Variants in STXBP5L observed in about 807,000 individuals in gnomAD.
STXBP5L encodes syntaxin binding protein 5L, also known as syntaxin-binding protein 5-like.
STXBP5L carries 65 observed loss-of-function variants against 144.5 expected under a neutral mutation model. The ratio of observed to expected loss-of-function variants is 0.45; its 90% CI spans 0.37 to 0.55. STXBP5L has a LOEUF of 0.55. STXBP5L is among the 20% of genes least tolerant of loss of function. The pLI, the probability that STXBP5L is intolerant of heterozygous loss-of-function variation, is 0.00. For synonymous variants in STXBP5L, 505 were observed against 469.6 expected (o/e 1.08, Z -0.97); for missense variants, 1,298 against 1,405.5 (o/e 0.92, Z 1.22).
intron 9 of STXBP5L, among the ~76,000 whole-genome samples, chr3:121,177,139 G>A (rs954707809): frequency 1.3e-5 from 2 of 151,902 alleles, no homozygotes; most frequent in East Asian, 3.9e-4. Flanking sequence ...CCACAATGAA[G>A]CATCACAACA....
At chr3:120,944,067 AAAGT>A (rs1484051797) in intron 2 of STXBP5L, among the ~76,000 whole-genome samples, 1 of 151,682 alleles carries the variant, frequency 6.6e-6, no homozygotes, top group South Asian at 2.1e-4. Flanking sequence ...TTTGTGTGGC[AAAGT>A]AAAAGAGTAG....
chr3:121,399,963 G>A (rs2046831897), intron 22 of STXBP5L, among the ~76,000 whole-genome samples: 1 of 152,198 alleles, frequency 6.6e-6, no homozygotes, highest in Non-Finnish European at 1.5e-5. Context: ...TTCTGATTCA[G>A]TAGGTCTGAG....
chr3:121,417,049 G>C (rs1480431492), intron 25 of STXBP5L, among the ~76,000 whole-genome samples: 2 of 152,088 alleles, frequency 1.3e-5, no homozygotes, highest in Non-Finnish European at 2.9e-5. Context: ...CTTGCTAAGT[G>C]AAAGAAGCCA....
intron 23 of STXBP5L, among the ~76,000 whole-genome samples, chr3:121,412,270 G>C (rs1453566622): frequency 6.6e-6 from 1 of 152,134 alleles, no homozygotes; most frequent in Non-Finnish European, 1.5e-5. Context: ...AGTGGTCTGA[G>C]AACACTTTCT....
intron 20 of STXBP5L, among the ~76,000 whole-genome samples, chr3:121,361,044 G>A (rs2045698523): frequency 6.6e-6 from 1 of 152,080 alleles, no homozygotes; most frequent in Admixed American, 6.6e-5. Flanking sequence ...CATGTTTCAA[G>A]GATATTTTCA....
chr3:121,392,770 CATATATATATATATATATATAT>C (rs71133531), intron 22 of STXBP5L, among the ~76,000 whole-genome samples: 16 of 112,374 alleles, frequency 1.4e-4, no homozygotes, highest in Non-Finnish European at 2.1e-4. Context: ...TATTTCATGG[CATATATATATATATATATATAT>C]ATATATATAT....
At chr3:121,089,964 T>A (rs7643267) in intron 5 of STXBP5L, among the ~76,000 whole-genome samples, 35,338 of 151,952 alleles carry the variant, frequency 0.23, 4,225 homozygotes, top group Non-Finnish European at 0.26. Context: ...TTTATATTTT[T>A]ATTTGTTTCA....
intron 5 of STXBP5L, among the ~76,000 whole-genome samples, chr3:121,052,438 A>G (rs1300784315): frequency 6.6e-6 from 1 of 152,224 alleles, no homozygotes; most frequent in Non-Finnish European, 1.5e-5. Flanking sequence ...AGGCTGGTTC[A>G]ATATACGCAA....
intron 8 of STXBP5L, among the ~76,000 whole-genome samples, chr3:121,155,066 C>A (rs1206939224): frequency 6.6e-6 from 1 of 151,758 alleles, no homozygotes; most frequent in Non-Finnish European, 1.5e-5. Context: ...CTTACCTCTT[C>A]AATATATCCT....
At chr3:120,950,020 T>A (rs1711101518) in intron 2 of STXBP5L, among the ~76,000 whole-genome samples, 1 of 151,980 alleles carries the variant, frequency 6.6e-6, no homozygotes, top group South Asian at 2.1e-4. Flanking sequence ...TAGACATACA[T>A]CAAAACACCA....
intron 19 of STXBP5L, among the ~76,000 whole-genome samples, chr3:121,303,276 A>G (rs2052000607): frequency 6.6e-6 from 1 of 152,266 alleles, no homozygotes; most frequent in East Asian, 1.9e-4. Context: ...CACATGAAAA[A>G]ATGCTCATCA....
rs534694719 is a variant in STXBP5L at position 121,237,327 on chromosome 3, G to A, written c.1185-1644G>A. ...TGGAGCAGCAACCCCAGCAGTAGCT[G>A]GGTCCATTTGAGCCATAGTGGGAGC... is the stretch of plus-strand genomic sequence containing the variant. On this transcript the variant is annotated intron_variant, in intron 12 of 26. Transcript: ENST00000471454. Among the ~76,000 whole-genome samples the A allele has an allele frequency of 2.4e-3, 361 of 152,306 alleles. 2 individuals carry two copies. The highest frequency in any genetic ancestry group is 3.9e-3 in the Non-Finnish European group (268 of 68,030).
chr3:121,007,297 G>T (rs1296558880), intron 3 of STXBP5L, among the ~76,000 whole-genome samples: 1 of 151,796 alleles, frequency 6.6e-6, no homozygotes, highest in South Asian at 2.1e-4. Flanking sequence ...TGAGGATTTT[G>T]TTGACTGTTT....
intron 5 of STXBP5L, among the ~76,000 whole-genome samples, chr3:121,072,647 G>T (rs1235025696): frequency 6.6e-6 from 1 of 152,106 alleles, no homozygotes; most frequent in African/African-American, 2.4e-5. Flanking sequence ...TCCAGTAAGG[G>T]CATGGTAAGG....
intron 9 of STXBP5L, among the ~76,000 whole-genome samples, chr3:121,170,652 A>T (rs2046674595): frequency 6.6e-6 from 1 of 152,212 alleles, no homozygotes; most frequent in Non-Finnish European, 1.5e-5. Context: ...GGAGAAGTCC[A>T]ATCCCTGAAC....
chr3:121,356,078 G>A (rs2045502073), intron 20 of STXBP5L, among the ~76,000 whole-genome samples: 1 of 152,164 alleles, frequency 6.6e-6, no homozygotes, highest in African/African-American at 2.4e-5. Flanking sequence ...GCCCCACAGG[G>A]GCACCCACTT....
chr3:120,980,293 A>T (rs1476656126), intron 3 of STXBP5L, among the ~76,000 whole-genome samples: 1 of 152,026 alleles, frequency 6.6e-6, no homozygotes, highest in Non-Finnish European at 1.5e-5. Flanking sequence ...TGCCTCAATG[A>T]TCTGTTTAAT....
intron 20 of STXBP5L, among the ~76,000 whole-genome samples, chr3:121,363,317 G>A (rs922273909): frequency 3.3e-5 from 5 of 152,072 alleles, no homozygotes; most frequent in African/African-American, 1.2e-4. Context: ...TTCAGCACTA[G>A]GACTCACCTA....
intron 18 of STXBP5L, among the ~76,000 whole-genome samples, chr3:121,269,438 T>C (rs1423917624): frequency 6.6e-6 from 1 of 151,734 alleles, no homozygotes; most frequent in Non-Finnish European, 1.5e-5. Context: ...TATATATATA[T>C]GTATATATAT....
Sources: allele counts gnomAD v4.1 joint callset (sites outside exome capture counted in the v4.1 genomes callset), GRCh38; gene constraint gnomAD v4.1.1; transcripts MANE v1.5; gene names NCBI Gene and HGNC (gene_info 2026-07-23, HGNC 2026-07-21).